The following C8orf89 variants were observed in gnomAD, a reference collection of about 807,000 sequenced individuals.
C8orf89 encodes putative uncharacterized protein C8orf89.
C8orf89 carries 14 observed loss-of-function variants against 15.8 expected under a neutral mutation model. That is an observed-to-expected ratio of 0.89 (90% confidence interval 0.59 to 1.39). C8orf89 has a LOEUF of 1.39. C8orf89 is among the 40% of genes most tolerant of loss of function. C8orf89 has a pLI of 0.00. For missense variants in C8orf89, 181 were observed against 184.5 expected (o/e 0.98, Z 0.11); for synonymous variants, 55 against 62.2 (o/e 0.88, Z 0.54).
chr8:73,264,530 A>C (rs1470723622), upstream of C8orf89, among the ~76,000 whole-genome samples: 1 of 152,130 alleles, frequency 6.6e-6, no homozygotes, highest in African/African-American at 2.4e-5. Context: ...CACTCTTGTC[A>C]CCCAGGCTGG....
chr8:73,285,080 A>C, the C8orf89 span, among the ~76,000 whole-genome samples: 22 of 152,316 alleles, frequency 1.4e-4, no homozygotes, highest in Non-Finnish European at 2.8e-4. Context: ...TTCAAAGTAA[A>C]ATTGGCAACA....
At chr8:73,274,086 G>T in the C8orf89 span, among the ~76,000 whole-genome samples, 2 of 151,730 alleles carry the variant, frequency 1.3e-5, no homozygotes, top group African/African-American at 4.8e-5. Flanking sequence ...TTGTCAAAAG[G>T]ACTTTTTTTG....
chr8:73,264,058 C>T (rs1285873874), upstream of C8orf89, among the ~76,000 whole-genome samples: 6 of 152,064 alleles, frequency 3.9e-5, no homozygotes, highest in Non-Finnish European at 7.4e-5. Context: ...ATCTCACACC[C>T]GTATTTTTTC....
chr8:73,274,494 C>CA, the C8orf89 span, among the ~76,000 whole-genome samples: 1 of 152,106 alleles, frequency 6.6e-6, no homozygotes, highest in Admixed American at 6.6e-5. Context: ...TTAAAAAATG[C>CA]ATTGGTACAG....
chr8:73,282,368 G>A, the C8orf89 span, among the ~76,000 whole-genome samples: 4 of 152,116 alleles, frequency 2.6e-5, no homozygotes, highest in Non-Finnish European at 4.4e-5. Context: ...TATTACTTTC[G>A]GGGGAGATTC....
the C8orf89 span, among the ~76,000 whole-genome samples, chr8:73,276,326 G>A: frequency 6.6e-6 from 1 of 151,870 alleles, no homozygotes; most frequent in African/African-American, 2.4e-5. Flanking sequence ...ACAGGCGCAT[G>A]CCACCACGCC....
upstream of C8orf89, among the ~76,000 whole-genome samples, chr8:73,261,839 C>T (rs1813536036): frequency 6.6e-6 from 1 of 152,122 alleles, no homozygotes; most frequent in Non-Finnish European, 1.5e-5. Context: ...TCCAACCTGT[C>T]CTGCCAGGTC....
intron 2 of C8orf89, among the ~76,000 whole-genome samples, chr8:73,254,814 C>G (rs1813333673): frequency 6.6e-6 from 1 of 152,148 alleles, no homozygotes; most frequent in African/African-American, 2.4e-5. Flanking sequence ...AATAACGCCA[C>G]ATATCTACAA....
At chr8:73,273,440 G>A in the C8orf89 span, among the ~76,000 whole-genome samples, 1 of 152,246 alleles carries the variant, frequency 6.6e-6, no homozygotes, top group African/African-American at 2.4e-5. Context: ...TGCTCGCTCA[G>A]GGAGGCACTA....
intron 3 of C8orf89, 89 bp from the exon 4 acceptor site, chr8:73,241,694 C>A (rs1383359334): frequency 1.8e-6 from 2 of 1,121,562 alleles, no homozygotes; most frequent in East Asian, 2.6e-5. Flanking sequence ...TGAAATATTT[C>A]TTCCACAAAT....
chr8:73,274,732 G>A, the C8orf89 span, among the ~76,000 whole-genome samples: 2 of 152,130 alleles, frequency 1.3e-5, no homozygotes, highest in African/African-American at 2.4e-5. Flanking sequence ...TTAACTGCAC[G>A]TAGGTATAGG....
chr8:73,250,429 A>C (rs1813223062), intron 2 of C8orf89, 106 bp from the exon 3 acceptor site: 2 of 682,654 alleles, frequency 2.9e-6, no homozygotes, highest in South Asian at 3.9e-5. Flanking sequence ...TGTTAAGGAA[A>C]GGAAAGTCTT....
chr8:73,263,880 G>T (rs371579877), upstream of C8orf89, among the ~76,000 whole-genome samples: 3 of 152,202 alleles, frequency 2.0e-5, no homozygotes, highest in African/African-American at 7.2e-5. Flanking sequence ...CTGAACCATT[G>T]TTCCTAGGGG....
At chr8:73,257,682 A>G (rs1813428246) in intron 1 of C8orf89, among the ~76,000 whole-genome samples, 1 of 152,186 alleles carries the variant, frequency 6.6e-6, no homozygotes, top group African/African-American at 2.4e-5. Flanking sequence ...TCACATATCC[A>G]TTGCACAGAG....
chr8:73,268,043 C>T, the C8orf89 span, among the ~76,000 whole-genome samples: 4 of 152,340 alleles, frequency 2.6e-5, no homozygotes, highest in South Asian at 4.1e-4. Flanking sequence ...TATTAAATGG[C>T]ATCGCGGGGA....
the C8orf89 span, among the ~76,000 whole-genome samples, chr8:73,269,694 T>C: frequency 1.3e-5 from 2 of 152,226 alleles, no homozygotes; most frequent in Admixed American, 6.5e-5. Flanking sequence ...AAGATACTAC[T>C]GTCTGCCTCC....
chr8:73,242,643 C>T (rs1425346702), intron 3 of C8orf89, among the ~76,000 whole-genome samples: 1 of 152,044 alleles, frequency 6.6e-6, no homozygotes, highest in African/African-American at 2.4e-5. Flanking sequence ...ATCTAAAAGA[C>T]AGTAAATAAC....
upstream of C8orf89, among the ~76,000 whole-genome samples, chr8:73,263,346 G>A (rs144121603): frequency 2.0e-4 from 31 of 152,012 alleles, no homozygotes; most frequent in East Asian, 4.7e-3. Flanking sequence ...AACCTCATCT[G>A]TACTAAAAAT....
chr8:73,250,343 A>G lies in C8orf89; in HGVS notation c.282-20T>C. On this transcript the variant is annotated intron_variant, in intron 2 of 3. Transcript: ENST00000624510. ...TTTAGCCTGAATATTATATATTATC[A>G]TAAAATTACTTACATATAAATTCAG... The G allele has an allele frequency of 7.0e-7, 1 of 1,428,256 alleles. No individual in the cohort carries two copies. Among genetic ancestry groups the G allele is most frequent in the Non-Finnish European group, 9.5e-7 (1 of 1,052,748 alleles). The allele number at this position is 1,428,256 out of a possible 1,614,324, so 88.5% of individuals were successfully genotyped here. A position where few individuals can be genotyped will look rare whatever the true frequency, so the allele number is the denominator to read the frequency against.
Sources: allele counts gnomAD v4.1 joint callset (sites outside exome capture counted in the v4.1 genomes callset), GRCh38; gene constraint gnomAD v4.1.1; transcripts MANE v1.5; gene names NCBI Gene and HGNC (gene_info 2026-07-23, HGNC 2026-07-21).